Variants in SAR1A observed in about 807,000 individuals in gnomAD.
The protein encoded by SAR1A is small COPII coat GTPase SAR1A.
Under a neutral mutation model 22.6 loss-of-function variants are expected in SAR1A, and 6 were observed. That is an observed-to-expected ratio of 0.27 (90% CI 0.15 to 0.52). SAR1A has a LOEUF of 0.52. Ranked by LOEUF, SAR1A falls within the 20% of genes least tolerant of loss-of-function variation. The pLI is 0.96. For missense variants in SAR1A, 145 were observed against 245.1 expected (o/e 0.59, Z 2.73); for synonymous variants, 70 against 82.2 (o/e 0.85, Z 0.80).
chr10:70,154,009 T>A, intron 5 of SAR1A, 40 bp from the exon 6 acceptor site: 1 of 1,483,006 alleles, frequency 6.7e-7, no homozygotes, highest in Non-Finnish European at 9.1e-7. Flanking sequence ...AAAAAAGAAT[T>A]AAGTGAGGAA....
At chr10:70,167,216 A>G (rs903532383) in intron 1 of SAR1A, among the ~76,000 whole-genome samples, 1 of 152,110 alleles carries the variant, frequency 6.6e-6, no homozygotes, top group African/African-American at 2.4e-5. Flanking sequence ...GTGGGTCTTA[A>G]GGTTTCTCAG....
intron 1 of SAR1A, chr10:70,163,687 G>T: frequency 1.3e-6 from 1 of 767,232 alleles, no homozygotes; most frequent in Non-Finnish European, 2.4e-6. Context: ...CTTGCAGCAT[G>T]GCTGACCAAC....
rs985219156 is a variant in SAR1A at position 70,156,673 on chromosome 10, A to T, written c.348+1091T>A. On this transcript the variant is annotated intron_variant, in intron 5 of 6. Coordinates refer to ENST00000373241, the MANE Select transcript of SAR1A (RefSeq NM_020150.5). ...GGGCCACAGAGGAAGATTCTGTTTAAAAAAAAAAAAAAAAAGCAAGGTAAA... is the reference window on the plus strand; with the variant it reads ...GGGCCACAGAGGAAGATTCTGTTTATAAAAAAAAAAAAAAAGCAAGGTAAA... 1.3e-3 allele frequency among the ~76,000 whole-genome samples: 13 copies of T among 9,872 alleles called. 1 individual carries two copies. The South Asian group carries it at 0.021, about 16-fold the overall frequency. The allele number at this position is 9,872 out of a possible 152,430, so 6.5% of individuals were successfully genotyped here.
At chr10:70,159,668 C>G (rs1050300495) in intron 4 of SAR1A, among the ~76,000 whole-genome samples, 1 of 152,232 alleles carries the variant, frequency 6.6e-6, no homozygotes, top group African/African-American at 2.4e-5. Context: ...TTAGCTCAAC[C>G]TAATGTTTCA....
intron 1 of SAR1A, among the ~76,000 whole-genome samples, chr10:70,162,421 G>GGGAAA (rs376567923): frequency 0.35 from 40,465 of 115,256 alleles, 8,608 homozygotes; most frequent in East Asian, 0.53. Flanking sequence ...GAAAGGGAAA[G>GGGAAA]GGAAAGGAAA....
chr10:70,161,747 GA>G lies in SAR1A; in HGVS notation c.59-10del. ...AGATTTCTTGTACAGTCCTAAAAGA[GA>G]AAAAAATTGTTAACACATTTGCTCT... On this transcript the variant is annotated splice_polypyrimidine_tract_variant and intron_variant, in intron 2 of 6. Coordinates refer to ENST00000373241, the MANE Select transcript of SAR1A (RefSeq NM_020150.5). The G allele has an allele frequency of 6.2e-7, 1 of 1,612,494 alleles. No individual in the cohort carries two copies.
At chr10:70,170,307 C>CG in intron 1 of SAR1A, 106 bp downstream of exon 1, 1 of 117,490 alleles carries the variant, frequency 8.5e-6, no homozygotes, top group East Asian at 3.3e-4. Context: ...GTGTCACTTC[C>CG]CCCCCACCCA....
chr10:70,152,647 T>C, intron 6 of SAR1A, 55 bp from the exon 7 acceptor site: 1 of 1,142,686 alleles, frequency 8.8e-7, no homozygotes, highest in Non-Finnish European at 1.3e-6. Flanking sequence ...TGGAAAAGAT[T>C]GAAAGGACGA....
chr10:70,160,305 A>G (rs66834603), intron 4 of SAR1A, among the ~76,000 whole-genome samples: 9,073 of 152,246 alleles, frequency 0.06, 484 homozygotes, highest in East Asian at 0.22. Context: ...AAATGGCACT[A>G]AAGTATTAAA....
chr10:70,153,749 TAAAAG>T (rs1192867249), intron 6 of SAR1A, 84 bp downstream of exon 6: 2 of 1,141,614 alleles, frequency 1.8e-6, no homozygotes, highest in East Asian at 2.7e-5. Context: ...TTTAAGCCTT[TAAAAG>T]AAAAGGGTAA....
At chr10:70,170,079 G>T (rs1055136779) in intron 1 of SAR1A, among the ~76,000 whole-genome samples, 1 of 152,088 alleles carries the variant, frequency 6.6e-6, no homozygotes, top group Non-Finnish European at 1.5e-5. Flanking sequence ...CTCACCGAGG[G>T]CTGTGAGGCT....
At chr10:70,167,738 CAAA>C (rs2136724485) in intron 1 of SAR1A, among the ~76,000 whole-genome samples, 1 of 152,258 alleles carries the variant, frequency 6.6e-6, no homozygotes, top group East Asian at 1.9e-4. Flanking sequence ...CGGCCCTTAC[CAAA>C]GACAGCCAAA....
Position 70,147,935 on chromosome 10 carries a change from A to G in SAR1A, c.*4541T>C, listed in dbSNP as rs1564567001. ...GCTCTGTCGCCCAGGCTGGAGTGCA[A>G]TGGTGCGATCTCCGCTCACTGCAAA... On this transcript the variant is annotated 3_prime_UTR_variant, in exon 7 of 7. Transcript: ENST00000373241. 6.6e-6 allele frequency: 1 copy of G among 152,084 alleles called. No individual in the cohort carries two copies. The highest frequency in any genetic ancestry group is 1.5e-5 in the Non-Finnish European group (1 of 68,012). 9.4% of individuals were successfully genotyped at this position (152,084 alleles called of 1,614,324 possible).
chr10:70,147,353 C>A lies in SAR1A; in HGVS notation c.*5123G>T, dbSNP rs1442962562. ...AGTGTGCACATTTCACATAACATAA[C>A]CACCAGCCAGGATTTATCTAGGCCA... is the stretch of plus-strand genomic sequence containing the variant. On this transcript the variant is annotated 3_prime_UTR_variant, in exon 7 of 7. Transcript: ENST00000373241. 6.6e-6 allele frequency: 1 copy of A among 152,132 alleles called. No individual in the cohort carries two copies. Among genetic ancestry groups the A allele is most frequent in the Non-Finnish European group, 1.5e-5 (1 of 68,024 alleles). The allele number at this position is 152,132 out of a possible 1,614,324, so 9.4% of individuals were successfully genotyped here.
chr10:70,161,463 G>T, intron 3 of SAR1A, 156 bp downstream of exon 3: 1 of 786,824 alleles, frequency 1.3e-6, no homozygotes, highest in South Asian at 1.8e-5. Flanking sequence ...AGATCTGAAA[G>T]TACATAACCT....
chr10:70,157,092 C>G (rs1435224490), intron 5 of SAR1A, among the ~76,000 whole-genome samples: 5 of 152,054 alleles, frequency 3.3e-5, no homozygotes, highest in South Asian at 2.1e-4. Context: ...TTCACTATGC[C>G]AACACTACTT....
intron 6 of SAR1A, 59 bp downstream of exon 6, chr10:70,153,779 C>T (rs1394614636): frequency 1.4e-6 from 2 of 1,398,696 alleles, no homozygotes; most frequent in Non-Finnish European, 1.9e-6. Context: ...GATAGCGAAA[C>T]ATCATGTTTT....
At chr10:70,159,494 G>C (rs1839437182) in intron 4 of SAR1A, among the ~76,000 whole-genome samples, 1 of 152,146 alleles carries the variant, frequency 6.6e-6, no homozygotes, top group South Asian at 2.1e-4. Flanking sequence ...AGGAGTTGAA[G>C]ACCAGCCTGG....
chr10:70,166,421 CATTG>C (rs1279514650), intron 1 of SAR1A, among the ~76,000 whole-genome samples: 1 of 152,148 alleles, frequency 6.6e-6, no homozygotes, highest in African/African-American at 2.4e-5. Flanking sequence ...ATGAAAAGCA[CATTG>C]ATTTGAATGA....
Sources: allele counts gnomAD v4.1 joint callset (sites outside exome capture counted in the v4.1 genomes callset), GRCh38; gene constraint gnomAD v4.1.1; transcripts MANE v1.5; gene names NCBI Gene and HGNC (gene_info 2026-07-23, HGNC 2026-07-21).